Variants in ABCG2 observed in about 807,000 individuals in gnomAD.
ABCG2 encodes ATP binding cassette subfamily G member 2 (JR blood group).
ABCG2 carries 80 observed loss-of-function variants against 73.5 expected under a neutral mutation model. That is an observed-to-expected ratio of 1.09 (90% confidence interval 0.91 to 1.31). The LOEUF is 1.31. ABCG2 is among the 50% of genes most tolerant of loss of function. The probability of loss-of-function intolerance (pLI) is 0.00; values close to 1 mark genes in which losing one functional copy is unlikely to be tolerated. For synonymous variants in ABCG2, 269 were observed against 282.4 expected (o/e 0.95, Z 0.48); for missense variants, 796 against 786.2 (o/e 1.01, Z -0.15).
Position 88,131,819 on chromosome 4 carries a change from G to C in ABCG2, c.362C>G (p.Ser121Ter). The change falls in exon 4 of 16, where the codon TCA (serine) becomes TGA (stop). Residue 121 changes from serine (S) to a stop codon, truncating the protein, a stop_gained. Coordinates refer to ENST00000237612, the MANE Select transcript of ABCG2 (RefSeq NM_004827.3). LOFTEE classifies it high-confidence loss of function. Reference protein sequence around the residue: ...APRPANFKCNSGYVVQDDVVM... With the variant: ...APRPANFKCN ...AATACTTACTTGTACCACGTAACCTGAATTACATTTGAAATTGGCAGGTCG... is the reference window on the plus strand; with the variant it reads ...AATACTTACTTGTACCACGTAACCTCAATTACATTTGAAATTGGCAGGTCG... 1 of 1,613,210 alleles carries C rather than the reference G, an allele frequency of 6.2e-7. No individual in the cohort carries two copies. Among genetic ancestry groups the C allele is most frequent in the Non-Finnish European group, 8.5e-7 (1 of 1,179,692 alleles).
chr4:88,202,297 G>A (rs1354416130), intron 1 of ABCG2, among the ~76,000 whole-genome samples: 2 of 136,904 alleles, frequency 1.5e-5, no homozygotes, highest in Non-Finnish European at 3.1e-5. Context: ...GACTGCTTGA[G>A]GCCAGGAGCT....
At chr4:88,223,768 C>T (rs963343896) in intron 1 of ABCG2, 1 of 153,060 alleles carries the variant, frequency 6.5e-6, no homozygotes, top group South Asian at 1.9e-4. Flanking sequence ...AGCTCTGTAC[C>T]AGGCACTTCT....
intron 10 of ABCG2, 56 bp downstream of exon 10, chr4:88,107,128 A>G (rs1488600346): frequency 1.0e-5 from 13 of 1,298,558 alleles, no homozygotes; most frequent in Non-Finnish European, 1.4e-5. Flanking sequence ...ATGGATTTCA[A>G]TAAGCTTGAA....
intron 1 of ABCG2, among the ~76,000 whole-genome samples, chr4:88,195,428 G>A (rs192640495): frequency 2.0e-5 from 3 of 152,224 alleles, no homozygotes; most frequent in East Asian, 3.9e-4. Flanking sequence ...ATATGTGGTC[G>A]GCTTGTTAGC....
At chr4:88,119,063 G>C (rs1256920168) in intron 6 of ABCG2, among the ~76,000 whole-genome samples, 1 of 152,070 alleles carries the variant, frequency 6.6e-6, no homozygotes, top group Non-Finnish European at 1.5e-5. Flanking sequence ...TCAAGGATGG[G>C]GCCAGGTGGA....
intron 1 of ABCG2, among the ~76,000 whole-genome samples, chr4:88,147,988 T>C (rs1462465315): frequency 6.6e-6 from 1 of 152,188 alleles, no homozygotes; most frequent in African/African-American, 2.4e-5. Flanking sequence ...TTCTACAACC[T>C]CACATTCCTT....
At chr4:88,100,905 C>G (rs1396796685) in intron 11 of ABCG2, among the ~76,000 whole-genome samples, 2 of 152,118 alleles carry the variant, frequency 1.3e-5, no homozygotes, top group African/African-American at 2.4e-5. Flanking sequence ...ATTGCTTGCT[C>G]TCTCCAACAT....
At chr4:88,211,134 A>G (rs1022402469) in intron 1 of ABCG2, among the ~76,000 whole-genome samples, 4 of 151,930 alleles carry the variant, frequency 2.6e-5, no homozygotes, top group African/African-American at 9.7e-5. Context: ...ATGTAAAAGA[A>G]GAAGAGAGAG....
intron 1 of ABCG2, among the ~76,000 whole-genome samples, chr4:88,198,107 G>A (rs1159363023): frequency 5.3e-5 from 8 of 150,382 alleles, no homozygotes; most frequent in Admixed American, 2.7e-4. Context: ...CGAGGTGGGT[G>A]GATAACCTGA....
chr4:88,198,150 G>A (rs1729011414), intron 1 of ABCG2, among the ~76,000 whole-genome samples: 1 of 151,932 alleles, frequency 6.6e-6, no homozygotes, highest in South Asian at 2.1e-4. Flanking sequence ...TGGCCAACAT[G>A]GTGAAACCCC....
At chr4:88,131,733 A>G in intron 4 of ABCG2, 70 bp downstream of exon 4, 1 of 1,095,400 alleles carries the variant, frequency 9.1e-7, no homozygotes, top group Non-Finnish European at 1.4e-6. Context: ...AAGCACATTG[A>G]ACTATCAGCC....
At chr4:88,095,665 C>G in intron 13 of ABCG2, 56 bp from the exon 14 acceptor site, 1 of 1,367,824 alleles carries the variant, frequency 7.3e-7, no homozygotes, top group South Asian at 1.2e-5. Context: ...ATGCAGAATT[C>G]TAGAGAATAC....
intron 1 of ABCG2, among the ~76,000 whole-genome samples, chr4:88,214,919 G>A (rs1729753401): frequency 6.6e-6 from 1 of 151,294 alleles, no homozygotes; most frequent in Non-Finnish European, 1.5e-5. Flanking sequence ...CACAATGTCT[G>A]GCCTACAAAA....
chr4:88,203,692 T>A (rs571040216), intron 1 of ABCG2, among the ~76,000 whole-genome samples: 1 of 150,144 alleles, frequency 6.7e-6, no homozygotes, highest in African/African-American at 2.5e-5. Context: ...AGGCAGAGGT[T>A]GCAGTGAGCT....
At chr4:88,110,209 T>C (rs1003117863) in intron 9 of ABCG2, among the ~76,000 whole-genome samples, 65 of 152,302 alleles carry the variant, frequency 4.3e-4, no homozygotes, top group Middle Eastern at 3.4e-3. Context: ...CAATGTATAA[T>C]GTTTCATTGG....
intron 1 of ABCG2, among the ~76,000 whole-genome samples, chr4:88,213,228 C>G (rs1729671224): frequency 6.6e-6 from 1 of 152,182 alleles, no homozygotes. Context: ...AATTCTTGAT[C>G]AAGAATCTCA....
At position 88,132,506 on chromosome 4, in the gene ABCG2, A is replaced by C. The variant is rs192023122; in HGVS notation, c.263+70T>G. The C allele has an allele frequency of 8.3e-4, 1,282 of 1,535,354 alleles. 3 individuals carry two copies. The highest frequency in any genetic ancestry group is 3.4e-3 in the African/African-American group (249 of 72,660). ...CTCAATAAATACCTGCTCGCACACA[A>C]AAAAAAGTGGCTTTTAAAAGCACAT... On this transcript the variant is annotated intron_variant, in intron 3 of 15. Coordinates refer to ENST00000237612, the MANE Select transcript of ABCG2 (RefSeq NM_004827.3).
At position 88,122,772 on chromosome 4, in the gene ABCG2, G is replaced by A. The variant is rs1724098853; in HGVS notation, c.532-980C>T. Among the ~76,000 whole-genome samples the A allele has an allele frequency of 2.6e-5, 4 of 152,320 alleles. No individual in the cohort carries two copies. In the South Asian group the frequency reaches 8.3e-4, roughly 32 times the overall value. On this transcript the variant is annotated intron_variant, in intron 5 of 15. Coordinates refer to ENST00000237612, the MANE Select transcript of ABCG2 (RefSeq NM_004827.3). ...TTAAACGTTCCTGCCTGCTGGCTTTGAAGACAGCAGTGAATCTCCCAGCAC... is the reference window on the plus strand; with the variant it reads ...TTAAACGTTCCTGCCTGCTGGCTTTAAAGACAGCAGTGAATCTCCCAGCAC...
At chr4:88,157,878 C>T (rs551393379) in intron 1 of ABCG2, among the ~76,000 whole-genome samples, 23 of 152,194 alleles carry the variant, frequency 1.5e-4, no homozygotes, top group Non-Finnish European at 3.2e-4. Flanking sequence ...GGAGTAAGAG[C>T]ACTCAACTAT....
Sources: gnomAD v4.1 joint callset for allele counts (sites outside exome capture counted in the v4.1 genomes callset) on GRCh38, gnomAD v4.1.1 for gene constraint, MANE v1.5 for transcripts, NCBI Gene and HGNC (gene_info 2026-07-23, HGNC 2026-07-21) for gene names.